Variants in LGI3 observed in about 807,000 individuals in gnomAD.
LGI3 encodes leucine rich repeat LGI family member 3, also known as leucine-rich repeat LGI family member 3.
In LGI3, 47 loss-of-function variants were observed where a neutral mutation model predicts 55.4. The observed-to-expected ratio is 0.85, with a 90% CI of 0.67 to 1.08. The LOEUF (loss-of-function observed/expected upper bound fraction) is 1.08, where lower values mean the gene tolerates loss of function less well. Among genes scored for constraint, LGI3 ranks in the 50% least tolerant of loss-of-function variants. The probability of loss-of-function intolerance (pLI) is 0.00; values close to 1 mark genes in which losing one functional copy is unlikely to be tolerated. For missense variants in LGI3, 664 were observed against 726.3 expected (o/e 0.91, Z 0.99); for synonymous variants, 326 against 315.0 (o/e 1.04, Z -0.37).
At chr8:22,151,204 T>C (rs191065383) in intron 7 of LGI3, among the ~76,000 whole-genome samples, 3 of 152,272 alleles carry the variant, frequency 2.0e-5, no homozygotes, top group Admixed American at 2.0e-4. Context: ...AAGACTCAGC[T>C]TGGGTATCCC....
In LGI3 at chr8:22,148,855, G is replaced by A. The variant is rs749634649; in HGVS notation, c.952C>T (p.Leu318=). 1 of 1,614,210 alleles carries A rather than the reference G, an allele frequency of 6.2e-7. No homozygotes were observed. Among genetic ancestry groups the A allele is most frequent in the Non-Finnish European group, 8.5e-7 (1 of 1,180,030 alleles). The change falls in exon 8 of 8, where the codon CTG becomes TTG. Residue 318 remains leucine (L), a synonymous_variant. Coordinates refer to ENST00000306317, the MANE Select transcript of LGI3 (RefSeq NM_139278.4). This position sits in a 1 kb window ranked among gnomAD's most constrained non-coding sequence, Gnocchi z 7.0. ...ACGCGCTGCGGGTCAATGTCTTGCA[G>A]CCTGGTGAAGCGCGTGGTGTTGGGA... ...WDPNTTRFTR[L]QDIDPQRVRK...
At chr8:22,149,349 C>G (rs889955811) in intron 7 of LGI3, among the ~76,000 whole-genome samples, 1 of 152,146 alleles carries the variant, frequency 6.6e-6, no homozygotes, top group Non-Finnish European at 1.5e-5. Context: ...GAATTCATCA[C>G]GCTGGAAAGG....
Position 22,148,238 on chromosome 8 carries a change from G to C in LGI3, c.1569C>G (p.Asp523Glu). Residue 523 changes from aspartate to glutamate, a missense_variant, in exon 8 of 8, where the codon GAC (aspartate) becomes GAG (glutamate). By Grantham distance (45) the Asp-to-Glu change is conservative. Coordinates refer to ENST00000306317, the MANE Select transcript of LGI3 (RefSeq NM_139278.4). The surrounding 1 kb of genome is among the most constrained non-coding windows in gnomAD (Gnocchi z 7.0). Reference sequence around the variant, plus strand: ...AGCTGGGGGCCAGGAGTAGCTGGGCGTCCCCAGCAGGCATGTAGCAGAAGG... The same window carrying C: ...AGCTGGGGGCCAGGAGTAGCTGGGCCTCCCCAGCAGGCATGTAGCAGAAGG... ...PRAFCYMPAG[D>E]AQLLLAPSFK... The C allele has an allele frequency of 6.2e-7, 1 of 1,614,018 alleles. No individual in the cohort carries two copies. The highest frequency in any genetic ancestry group is 8.5e-7 in the Non-Finnish European group (1 of 1,179,972).
Position 22,151,918 on chromosome 8 carries a change from C to T in LGI3, c.577G>A (p.Ala193Thr), listed in dbSNP as rs771072595. The stretch of plus-strand genomic sequence containing the variant: ...GGCGGGCTGGCGCAGTAGATGGGTG[C>T]CACCGTGGTGTTGGTGTGTGCCAGC... ...EWLAHTNTTV[A>T]PIYCASPPRF... is the part of the protein sequence containing the mutation. Residue 193 changes from alanine to threonine, a missense_variant, in exon 6 of 8, where the codon GCA becomes ACA. By Grantham distance (58) the Ala-to-Thr change is moderately conservative. Transcript: ENST00000306317. The T allele has an allele frequency of 5.0e-6, 8 of 1,613,164 alleles. No homozygotes were observed. Among genetic ancestry groups the T allele is most frequent in the African/African-American group, 1.3e-5 (1 of 75,024 alleles).
chr8:22,155,312 C>G, intron 2 of LGI3, 80 bp downstream of exon 2: 2 of 1,346,858 alleles, frequency 1.5e-6, no homozygotes, highest in Non-Finnish European at 1.1e-6. Context: ...TCTGTCCACT[C>G]TCCCTCTCCC....
chr8:22,152,145 AG>A (rs1563210361), intron 5 of LGI3, 145 bp from the exon 6 acceptor site: 1 of 629,420 alleles, frequency 1.6e-6, no homozygotes, highest in Non-Finnish European at 2.7e-6. Flanking sequence ...ATTAGAGAAA[AG>A]TTTCCCTCTG....
intron 5 of LGI3, among the ~76,000 whole-genome samples, chr8:22,153,655 C>T (rs554887582): frequency 2.6e-5 from 4 of 151,330 alleles, no homozygotes; most frequent in Admixed American, 1.3e-4. Context: ...TGCAGTGAGC[C>T]GAGATTGTGC....
intron 5 of LGI3, 147 bp from the exon 6 acceptor site, chr8:22,152,147 T>C (rs923767741): frequency 4.8e-6 from 3 of 625,634 alleles, no homozygotes; most frequent in Non-Finnish European, 5.4e-6. Flanking sequence ...TAGAGAAAAG[T>C]TTCCCTCTGG....
In LGI3 at chr8:22,156,519, C is replaced by T. The variant is rs1037527075; in HGVS notation, c.24G>A (p.Gly8=). The change falls in exon 1 of 8, where the codon GGG becomes GGA. Residue 8 remains glycine, a synonymous_variant. Transcript: ENST00000306317. MAGLRAR[G]GPGPGLLALS... ...GCGCCAGCAGCCCCGGCCCCGGGCC[C>T]CCCCTGGCCCGCAGCCCCGCCATGC... The T allele has an allele frequency of 1.3e-5, 17 of 1,358,936 alleles. No homozygotes were observed. The African/African-American group carries it at 1.7e-4, about 14-fold the overall frequency. 84.2% of individuals were successfully genotyped at this position (1,358,936 alleles called of 1,614,324 possible). A position where few individuals can be genotyped will look rare whatever the true frequency, so the allele number is the denominator to read the frequency against.
At position 22,151,988 on chromosome 8, in the gene LGI3, G is replaced by A. The variant is rs367811503; in HGVS notation, c.507C>T (p.Gly169=). ...LDILNDLDLR[G]NSLNCDCKVK... ...CCTTGCAGTCACAGTTGAGTGAGTTGCCCCGCAGGTCCCTGCATCATGAGG... is the reference window on the plus strand; with the variant it reads ...CCTTGCAGTCACAGTTGAGTGAGTTACCCCGCAGGTCCCTGCATCATGAGG... The change falls in exon 6 of 8, where the codon GGC becomes GGT. Residue 169 remains glycine, a synonymous_variant. Coordinates refer to ENST00000306317, the MANE Select transcript of LGI3 (RefSeq NM_139278.4). The A allele has an allele frequency of 3.1e-6, 5 of 1,602,438 alleles. No homozygotes were observed. In the African/African-American group the frequency reaches 4.0e-5, roughly 13 times the overall value.
chr8:22,149,775 C>T (rs1007436687), intron 7 of LGI3, among the ~76,000 whole-genome samples: 1 of 152,176 alleles, frequency 6.6e-6, no homozygotes, highest in South Asian at 2.1e-4. Context: ...CCCCACCTTT[C>T]CCCCAAGAGA....
At chr8:22,149,244 C>T (rs1410740888) in intron 7 of LGI3, among the ~76,000 whole-genome samples, 2 of 152,210 alleles carry the variant, frequency 1.3e-5, no homozygotes, top group South Asian at 2.1e-4. Context: ...AAGTGTCCCT[C>T]GATAGTGACT....
At chr8:22,155,358 T>A (rs775627099) in intron 2 of LGI3, 34 bp downstream of exon 2, 1 of 1,603,396 alleles carries the variant, frequency 6.2e-7, no homozygotes, top group Non-Finnish European at 8.5e-7. Flanking sequence ...CACCCCATAG[T>A]TCCCCCAACC....
At chr8:22,152,368 A>G (rs950506143) in intron 5 of LGI3, among the ~76,000 whole-genome samples, 2 of 152,276 alleles carry the variant, frequency 1.3e-5, no homozygotes, top group Middle Eastern at 3.4e-3. Context: ...ATACTACTAT[A>G]TGCTATATAT....
At chr8:22,155,571 G>GC (rs1827479649) in intron 1 of LGI3, 108 bp from the exon 2 acceptor site, 2 of 898,490 alleles carry the variant, frequency 2.2e-6, no homozygotes, top group Non-Finnish European at 1.8e-6. Flanking sequence ...CCCTGGAAAT[G>GC]CCCCATTTCA....
rs759121540 is a variant in LGI3, at chr8:22,154,012, T to C, written c.450A>G (p.Thr150=). 2.5e-6 allele frequency: 4 copies of C among 1,614,146 alleles called. No homozygotes were observed. In the South Asian group the frequency reaches 3.3e-5, roughly 13 times the overall value. The change falls in exon 5 of 8, where the codon ACA becomes ACG. Residue 150 remains threonine, a synonymous_variant. Transcript: ENST00000306317. ...GGGGCCGGAAGATGTCTCTGGGCAG[T>C]GTCTGCAGGTTATTGTTGGCCAGCG... ...HLSLANNNLQ[T]LPRDIFRPLD... is the part of the protein sequence containing the mutation.
At position 22,156,571 on chromosome 8, in the gene LGI3, C is replaced by A. The variant is rs1266421579; in HGVS notation, c.-29G>T. 1 of 941,700 alleles carries A rather than the reference C, an allele frequency of 1.1e-6. No homozygotes were observed. The highest frequency in any genetic ancestry group is 1.4e-6 in the Non-Finnish European group (1 of 726,572). The allele number at this position is 941,700 out of a possible 1,614,324, so 58.3% of individuals were successfully genotyped here. A position where few individuals can be genotyped will look rare whatever the true frequency, so the allele number is the denominator to read the frequency against. ...GCCCGCGATCTCTCCCTGGGGCCGG[C>A]GGCCGCGGCCCCCGCCCCACCGCTC... On this transcript the variant is annotated 5_prime_UTR_variant, in exon 1 of 8. Transcript: ENST00000306317.
In LGI3 at chr8:22,154,200, T is replaced by C; in HGVS notation, c.364A>G (p.Asn122Asp). The part of the protein sequence containing the change: ...SHLQYLFIEN[N>D]DIWALSKFTF... ...AACTTGGATAGTGCCCAGATGTCAT[T>C]GTTCTCAATGAAGCTGGGGAAAGCG... is the stretch of plus-strand genomic sequence containing the variant. The change falls in exon 4 of 8, where the codon AAT becomes GAT. Residue 122 changes from asparagine to aspartate, a missense_variant. Coordinates refer to ENST00000306317, the MANE Select transcript of LGI3 (RefSeq NM_139278.4). 6.2e-7 allele frequency: 1 copy of C among 1,613,964 alleles called. No individual in the cohort carries two copies. The highest frequency in any genetic ancestry group is 8.5e-7 in the Non-Finnish European group (1 of 1,179,946).
rs773353568 is a variant in LGI3 at position 22,151,846 on chromosome 8, C to A, written c.649G>T (p.Asp217Tyr). ...CACCTCCTACCTGTGGTGATGCAAT[C>A]GAACTCCCGCAGCGGCAGGTCCTGC... is the stretch of plus-strand genomic sequence containing the variant. Reference protein sequence around the residue: ...KVQDLPLREFDCITTDFVLYQ... With the variant: ...KVQDLPLREFYCITTDFVLYQ... The change falls in exon 6 of 8, where the codon GAT becomes TAT. Residue 217 changes from aspartate to tyrosine, a missense_variant. Physicochemically the swap from Asp to Tyr is radical, Grantham distance 160. Coordinates refer to ENST00000306317, the MANE Select transcript of LGI3 (RefSeq NM_139278.4). 3.1e-6 allele frequency: 5 copies of A among 1,609,406 alleles called. No individual in the cohort carries two copies. In the South Asian group the frequency reaches 3.3e-5, roughly 11 times the overall value.
Sources: allele counts gnomAD v4.1 joint callset (sites outside exome capture counted in the v4.1 genomes callset), GRCh38; gene constraint gnomAD v4.1.1; non-coding constraint Gnocchi (gnomAD v3.1); transcripts MANE v1.5; gene names NCBI Gene and HGNC (gene_info 2026-07-23, HGNC 2026-07-21).